CACNA1B: variants seen among roughly 807,000 people sequenced by gnomAD.
CACNA1B encodes calcium voltage-gated channel subunit alpha1 B, also known as voltage-dependent N-type calcium channel subunit alpha-1B.
Under a neutral mutation model 247.2 loss-of-function variants are expected in CACNA1B, and 70 were observed. That is an observed-to-expected ratio of 0.28 (90% CI 0.23 to 0.35). The LOEUF (loss-of-function observed/expected upper bound fraction) is 0.35. CACNA1B is among the 10% of genes least tolerant of loss of function. The probability of loss-of-function intolerance (pLI) is 1.00; values close to 1 mark genes in which losing one functional copy is unlikely to be tolerated. For synonymous variants in CACNA1B, 1,231 were observed against 1,294.4 expected, an observed-to-expected ratio of 0.95 and a Z score of 1.05; for missense variants, 2,367 against 3,197.4, an observed-to-expected ratio of 0.74 and a Z score of 6.26.
chr9:137,909,703 C>T (rs1399127215), intron 3 of CACNA1B, among the ~76,000 whole-genome samples: 1 of 152,044 alleles, frequency 6.6e-6, no homozygotes, highest in Admixed American at 6.6e-5. Flanking sequence ...GCTTTCAATT[C>T]TTTTGGATAT....
rs561366145 is a variant in CACNA1B at position 137,919,776 on chromosome 9, C to T, written c.966+2345C>T. ...GAGTGGGGGTGTGAGCAACAGCGGG[C>T]AGCCAGGACCGGGTGAGTGATGGGG... On this transcript the variant is annotated intron_variant, in intron 6 of 46. Coordinates refer to ENST00000371372, the MANE Select transcript of CACNA1B (RefSeq NM_000718.4). The surrounding 1 kb of genome is among the most constrained non-coding windows in gnomAD (Gnocchi z 4.6). Among the ~76,000 whole-genome samples, 64 of 152,310 alleles carry T rather than the reference C, an allele frequency of 4.2e-4. No homozygotes were observed. Among genetic ancestry groups the T allele is most frequent in the African/African-American group, 1.5e-3 (64 of 41,580 alleles).
At chr9:138,099,406 A>G (rs963608580) in intron 37 of CACNA1B, among the ~76,000 whole-genome samples, 1 of 151,712 alleles carries the variant, frequency 6.6e-6, no homozygotes, top group Non-Finnish European at 1.5e-5. Context: ...TTGTATGTGG[A>G]TGTGTGTATG....
chr9:137,907,374 G>T (rs1201492783), intron 3 of CACNA1B, among the ~76,000 whole-genome samples: 1 of 152,106 alleles, frequency 6.6e-6, no homozygotes, highest in East Asian at 1.9e-4. Flanking sequence ...ATGTGCCTGG[G>T]GTGTGGTTAG....
intron 36 of CACNA1B, among the ~76,000 whole-genome samples, chr9:138,080,918 C>T (rs552843079): frequency 6.6e-6 from 1 of 152,268 alleles, no homozygotes; most frequent in African/African-American, 2.4e-5. Context: ...TAGAGAAATA[C>T]AGAAGAACCT....
chr9:138,005,950 GGAGAATGGC>G (rs1958642588), intron 15 of CACNA1B, among the ~76,000 whole-genome samples: 1 of 151,322 alleles, frequency 6.6e-6, no homozygotes, highest in South Asian at 2.1e-4. Flanking sequence ...GGCTGAGGCA[GGAGAATGGC>G]GTGAACCTGG....
At chr9:137,932,898 CTTTA>C (rs1957623776) in intron 6 of CACNA1B, among the ~76,000 whole-genome samples, 1 of 151,144 alleles carries the variant, frequency 6.6e-6, no homozygotes, top group Non-Finnish European at 1.5e-5. Context: ...GCATTGATGA[CTTTA>C]TTTTATCTTT....
At chr9:138,000,009 C>G (rs941380224) in intron 15 of CACNA1B, among the ~76,000 whole-genome samples, 1 of 151,014 alleles carries the variant, frequency 6.6e-6, no homozygotes, top group Non-Finnish European at 1.5e-5. Context: ...AAAAGGGAGT[C>G]GTAACTATAG....
intron 10 of CACNA1B, among the ~76,000 whole-genome samples, chr9:137,964,326 T>TA: frequency 6.6e-6 from 1 of 152,236 alleles, no homozygotes; most frequent in East Asian, 1.9e-4. Context: ...TAAGTTATCC[T>TA]AATCAGTCAT....
chr9:137,959,391 A>G (rs1589033470), intron 10 of CACNA1B, among the ~76,000 whole-genome samples: 1 of 152,262 alleles, frequency 6.6e-6, no homozygotes, highest in Middle Eastern at 3.4e-3. Context: ...AATTTTAAAC[A>G]ATTTATTATA....
At chr9:138,031,712 T>C (rs1214561928) in intron 20 of CACNA1B, among the ~76,000 whole-genome samples, 4 of 152,226 alleles carry the variant, frequency 2.6e-5, no homozygotes, top group East Asian at 1.9e-4. Context: ...TTAGGATTTC[T>C]ATGTCTTTTT....
At position 137,986,087 on chromosome 9, in the gene CACNA1B, A is replaced by G. The variant is rs534592283; in HGVS notation, c.1770-326A>G. On this transcript the variant is annotated intron_variant, in intron 13 of 46. Coordinates refer to ENST00000371372, the MANE Select transcript of CACNA1B (RefSeq NM_000718.4). The surrounding 1 kb of genome is among the most constrained non-coding windows in gnomAD (Gnocchi z 6.0). ...GACTGGGTGTTGAGGAGTGAGGGGC[A>G]GGGAGGGGCCGAGGATGAAGTTTGG... Among the ~76,000 whole-genome samples the G allele has an allele frequency of 1.4e-3, 212 of 152,314 alleles. 2 individuals are homozygous for G. Among genetic ancestry groups the G allele is most frequent in the African/African-American group, 5.0e-3 (206 of 41,570 alleles).
chr9:138,026,215 A>G (rs894735255), intron 20 of CACNA1B, among the ~76,000 whole-genome samples: 3 of 152,226 alleles, frequency 2.0e-5, no homozygotes, highest in African/African-American at 7.2e-5. Flanking sequence ...CATGGAAGAC[A>G]CAGCCTCTAA....
At position 138,050,781 on chromosome 9, in the gene CACNA1B, T is replaced by C. The variant is rs1019778014; in HGVS notation, c.3711-1311T>C. 3.3e-5 allele frequency among the ~76,000 whole-genome samples: 5 copies of C among 152,034 alleles called. No individual in the cohort carries two copies. On this transcript the variant is annotated intron_variant, in intron 24 of 46. Coordinates refer to ENST00000371372, the MANE Select transcript of CACNA1B (RefSeq NM_000718.4). The surrounding 1 kb of genome is among the most constrained non-coding windows in gnomAD (Gnocchi z 5.2). ...TCCCTCAGCTGGCGGAGGAGCTGGT[T>C]TGAGAGTGGGTGTCGGGAGCACTGG...
At position 137,952,446 on chromosome 9, in the gene CACNA1B, G is replaced by T. The variant is rs1589029109; in HGVS notation, c.1070+69G>T. ...TCAGCTGAGGGGTCAACAGGGGCAC[G>T]TGTGACACTTGGGGTGGGGGCCTGG... is the stretch of plus-strand genomic sequence containing the variant. On this transcript the variant is annotated intron_variant, in intron 7 of 46. Transcript: ENST00000371372. The surrounding 1 kb of genome is among the most constrained non-coding windows in gnomAD (Gnocchi z 4.8). The T allele has an allele frequency of 1.8e-5, 24 of 1,304,146 alleles. No homozygotes were observed. The South Asian group carries it at 2.6e-4, about 14-fold the overall frequency. The allele number at this position is 1,304,146 out of a possible 1,614,324, so 80.8% of individuals were successfully genotyped here.
chr9:138,021,765 A>T (rs1363951643), intron 18 of CACNA1B, among the ~76,000 whole-genome samples: 1 of 152,172 alleles, frequency 6.6e-6, no homozygotes, highest in Non-Finnish European at 1.5e-5. Context: ...GTAGCACCTG[A>T]TTCTTGAGGT....
chr9:137,886,588 C>T (rs1216371546), intron 3 of CACNA1B, among the ~76,000 whole-genome samples: 5 of 151,232 alleles, frequency 3.3e-5, no homozygotes, highest in Non-Finnish European at 7.4e-5. Flanking sequence ...GCCCGGTGGC[C>T]CATGTTCTGG....
rs765107632 is a variant in CACNA1B, at chr9:138,075,916, T to C, written c.4949+6T>C. The C allele has an allele frequency of 2.5e-6, 4 of 1,595,826 alleles. No individual in the cohort carries two copies. The highest frequency in any genetic ancestry group is 3.4e-6 in the Non-Finnish European group (4 of 1,166,088). Reference sequence around the variant, plus strand: ...GCCCTGATGCTGCTGTTCAGGTGTGTTGTTCGGTCAGCCCAGGCCAATGTC... The same window carrying C: ...GCCCTGATGCTGCTGTTCAGGTGTGCTGTTCGGTCAGCCCAGGCCAATGTC... On this transcript the variant is annotated splice_donor_region_variant and intron_variant, in intron 35 of 46. Coordinates refer to ENST00000371372, the MANE Select transcript of CACNA1B (RefSeq NM_000718.4).
At chr9:137,890,861 A>G (rs1402863435) in intron 3 of CACNA1B, 2 of 151,848 alleles carry the variant, frequency 1.3e-5, no homozygotes, top group Admixed American at 6.6e-5. Flanking sequence ...TGAAGGTCAC[A>G]GTTTGGGGAG....
In CACNA1B at chr9:138,054,804, G is replaced by A. The variant is rs1564262359; in HGVS notation, c.3968+798G>A. On this transcript the variant is annotated intron_variant, in intron 26 of 46. Transcript: ENST00000371372. The surrounding 1 kb of genome is among the most constrained non-coding windows in gnomAD (Gnocchi z 4.6). ...GCGTAGATGAGAGCCCCACATCCTAGCTAAATCTTGGTGTTTTCTTTCTCG... is the reference window on the plus strand; with the variant it reads ...GCGTAGATGAGAGCCCCACATCCTAACTAAATCTTGGTGTTTTCTTTCTCG... 6.6e-6 allele frequency among the ~76,000 whole-genome samples: 1 copy of A among 152,200 alleles called. No individual in the cohort carries two copies. The highest frequency in any genetic ancestry group is 2.4e-5 in the African/African-American group (1 of 41,460).
Sources: gnomAD v4.1 joint callset for allele counts (sites outside exome capture counted in the v4.1 genomes callset) on GRCh38, gnomAD v4.1.1 for gene constraint, Gnocchi (gnomAD v3.1) non-coding constraint, MANE v1.5 for transcripts, NCBI Gene and HGNC (gene_info 2026-07-23, HGNC 2026-07-21) for gene names.